The following DPRX variants were observed in gnomAD, a reference collection of about 807,000 sequenced individuals.
The protein encoded by DPRX is divergent-paired related homeobox.
A neutral mutation model predicts 8.4 loss-of-function variants in DPRX; 11 were observed. That is an observed-to-expected ratio of 1.31 (90% CI 0.82 to 2.17). The LOEUF is 2.17. DPRX is among the 30% of genes most tolerant of loss of function. The pLI is 0.00. For missense variants in DPRX, 211 were observed against 236.7 expected, an observed-to-expected ratio of 0.89 and a Z score of 0.71; for synonymous variants, 72 against 87.0, an observed-to-expected ratio of 0.83 and a Z score of 0.96.
the DPRX span, chr19:53,603,380 G>A: frequency 8.8e-6 from 4 of 456,414 alleles, no homozygotes; most frequent in African/African-American, 6.0e-5. Flanking sequence ...CATAGACGAT[G>A]CGGCCCCATC....
chr19:53,609,521 A>T, the DPRX span, among the ~76,000 whole-genome samples: 1 of 149,826 alleles, frequency 6.7e-6, no homozygotes, highest in Non-Finnish European at 1.5e-5. Flanking sequence ...AACAAAAAAA[A>T]CCCCAAACAT....
At chr19:53,610,128 G>A in the DPRX span, among the ~76,000 whole-genome samples, 88 of 127,764 alleles carry the variant, frequency 6.9e-4, 2 homozygotes, top group Middle Eastern at 5.6e-3. Context: ...TCCAGCCTGG[G>A]TGACAAGAGC....
chr19:53,632,037 T>G, upstream of DPRX: 1 of 1,608,676 alleles, frequency 6.2e-7, no homozygotes, highest in South Asian at 1.1e-5. Flanking sequence ...GGAAGCTACT[T>G]AAATCCGGAT....
chr19:53,612,831 C>T, the DPRX span, among the ~76,000 whole-genome samples: 37 of 152,210 alleles, frequency 2.4e-4, no homozygotes, highest in Non-Finnish European at 4.1e-4. Flanking sequence ...CTGCAGGGGT[C>T]GGGCGGACGG....
chr19:53,623,102 G>A, the DPRX span, among the ~76,000 whole-genome samples: 22 of 149,512 alleles, frequency 1.5e-4, no homozygotes, highest in African/African-American at 5.2e-4. Flanking sequence ...TCAGGAGATC[G>A]AGACCATCCT....
upstream of DPRX, among the ~76,000 whole-genome samples, chr19:53,628,595 G>GA (rs1047941683): frequency 3.4e-5 from 5 of 145,734 alleles, no homozygotes; most frequent in African/African-American, 5.0e-5. Flanking sequence ...TTTTCTTTCT[G>GA]TTTTTTTTTT....
At chr19:53,628,595 G>GTT (rs529477948), upstream of DPRX, among the ~76,000 whole-genome samples, 2 of 145,728 alleles carry the variant, frequency 1.4e-5, no homozygotes, top group Non-Finnish European at 1.5e-5. Flanking sequence ...TTTTCTTTCT[G>GTT]TTTTTTTTTT....
At chr19:53,636,791 C>T in exon 3 of DPRX, 1 of 1,614,112 alleles carries the variant, frequency 6.2e-7, no homozygotes, top group Non-Finnish European at 8.5e-7. Flanking sequence ...TCATCGAGTC[C>T]CCTCATTCCA....
the DPRX span, among the ~76,000 whole-genome samples, chr19:53,620,058 C>A: frequency 1.3e-5 from 2 of 152,010 alleles, no homozygotes; most frequent in Non-Finnish European, 2.9e-5. Context: ...GACATGTTGA[C>A]TTCCTGCAGT....
upstream of DPRX, chr19:53,629,611 C>T (rs935554411): frequency 1.3e-5 from 2 of 151,144 alleles, no homozygotes; most frequent in African/African-American, 4.9e-5. Flanking sequence ...AGATTACAGG[C>T]TCTTTTTAAA....
the DPRX span, chr19:53,602,054 C>T: frequency 6.6e-6 from 3 of 456,636 alleles, no homozygotes; most frequent in East Asian, 6.9e-5. Context: ...AAGTGAATCC[C>T]ACAATGAGCA....
chr19:53,602,778 TC>T, the DPRX span, among the ~76,000 whole-genome samples: 93 of 148,984 alleles, frequency 6.2e-4, no homozygotes, highest in African/African-American at 2.1e-3. Context: ...TGTGATCCAC[TC>T]CCCCCCGGCA....
chr19:53,608,937 C>A, the DPRX span, among the ~76,000 whole-genome samples: 1 of 103,740 alleles, frequency 9.6e-6, no homozygotes, highest in African/African-American at 3.9e-5. Context: ...CCTGGGCGGA[C>A]AGAGTGAGAC....
chr19:53,634,860 A>C (rs185120676), intron 2 of DPRX, among the ~76,000 whole-genome samples, 175 bp downstream of exon 2: 8 of 152,276 alleles, frequency 5.3e-5, no homozygotes, highest in Admixed American at 1.3e-4. Flanking sequence ...AGAATGGGAA[A>C]ATTTTTCCAG....
the DPRX span, among the ~76,000 whole-genome samples, chr19:53,610,095 G>C: frequency 6.9e-6 from 1 of 145,966 alleles, no homozygotes; most frequent in African/African-American, 2.5e-5. Context: ...AGGTTGCCGT[G>C]AGCCGAGATT....
the DPRX span, chr19:53,617,104 T>A: frequency 7.9e-7 from 1 of 1,269,550 alleles, no homozygotes; most frequent in Non-Finnish European, 1.2e-6. Context: ...GAGGTTTAGG[T>A]TTCATAATCC....
At chr19:53,601,987 G>C in the DPRX span, 3 of 455,636 alleles carry the variant, frequency 6.6e-6, no homozygotes, top group Admixed American at 7.1e-5. Flanking sequence ...GGGGACATAA[G>C]GCCACCTACC....
chr19:53,603,584 T>G, the DPRX span: 2 of 346,324 alleles, frequency 5.8e-6, no homozygotes, highest in Non-Finnish European at 1.2e-5. Context: ...TTAACCCAGG[T>G]CCCTGTTCAT....
At chr19:53,613,942 G>A in the DPRX span, among the ~76,000 whole-genome samples, 1 of 151,598 alleles carries the variant, frequency 6.6e-6, no homozygotes, top group African/African-American at 2.4e-5. Context: ...TTCTCCAGTG[G>A]GTAGTATTTC....
Sources: gnomAD v4.1 joint callset for allele counts (sites outside exome capture counted in the v4.1 genomes callset) on GRCh38, gnomAD v4.1.1 for gene constraint, MANE v1.5 for transcripts, NCBI Gene and HGNC (gene_info 2026-07-23, HGNC 2026-07-21) for gene names.